The following PCDHGA11 variants were observed in gnomAD, a reference collection of about 807,000 sequenced individuals.
PCDHGA11 encodes protocadherin gamma-A11.
A neutral mutation model predicts 60.4 loss-of-function variants in PCDHGA11; 39 were observed. That is an observed-to-expected ratio of 0.65 (90% CI 0.50 to 0.84). The LOEUF is 0.84. Ranked by LOEUF, PCDHGA11 falls within the 40% of genes least tolerant of loss-of-function variation. The pLI is 0.00. For missense variants in PCDHGA11, 1,165 were observed against 1,197.7 expected (o/e 0.97, Z 0.40); for synonymous variants, 533 against 510.3 (o/e 1.04, Z -0.60).
chr5:141,434,044 A>T (rs2097670450), intron 1 of PCDHGA11, among the ~76,000 whole-genome samples: 2 of 152,132 alleles, frequency 1.3e-5, no homozygotes, highest in South Asian at 4.1e-4. Flanking sequence ...TTTCTATTTT[A>T]TTCAATGGCC....
rs1387624358 is a variant in PCDHGA11 at position 141,421,888 on chromosome 5, C to T, written c.661C>T (p.Pro221Ser). 3.1e-6 allele frequency: 5 copies of T among 1,613,746 alleles called. No homozygotes were observed. The change falls in exon 1 of 4, where the codon CCC (proline) becomes TCC (serine). Residue 221 changes from proline (P) to serine (S), a missense_variant. Transcript: ENST00000398587. Reference sequence around the variant, plus strand: ...CCTCACAGCTTTAGATGGAGGCGATCCCATCCGAAAGGGCGCAGTTCCCAT... The same window carrying T: ...CCTCACAGCTTTAGATGGAGGCGATTCCATCCGAAAGGGCGCAGTTCCCAT... ...LLLTALDGGD[P>S]IRKGAVPIRV...
Position 141,489,902 on chromosome 5 carries a change from C to T in PCDHGA11, c.2434-4905C>T. The T allele has an allele frequency of 6.2e-7, 1 of 1,614,218 alleles. No individual in the cohort carries two copies. The highest frequency in any genetic ancestry group is 8.5e-7 in the Non-Finnish European group (1 of 1,180,032). On this transcript the variant is annotated intron_variant, in intron 1 of 3. Transcript: ENST00000398587. This position sits in a 1 kb window ranked among gnomAD's most constrained non-coding sequence, Gnocchi z 4.5. Reference sequence around the variant, plus strand: ...ACTGCTGTGGATGGGGGGACCCCAGCCCGCTCAGGGACCACCCTTATCTCT... The same window carrying T: ...ACTGCTGTGGATGGGGGGACCCCAGTCCGCTCAGGGACCACCCTTATCTCT...
Position 141,423,387 on chromosome 5 carries a change from G to T in PCDHGA11, c.2160G>T (p.Trp720Cys), listed in dbSNP as rs373190092. The T allele has an allele frequency of 6.2e-7, 1 of 1,614,162 alleles. No homozygotes were observed. The highest frequency in any genetic ancestry group is 8.5e-7 in the Non-Finnish European group (1 of 1,180,010). ...TGCTGGCACTCAGGCTGTGGCGCTG[G>T]CATAAGTCACGCCTGCTGCAGGCTT... The part of the protein sequence containing the change: ...IVLLALRLWR[W>C]HKSRLLQASE... The change falls in exon 1 of 4, where the codon TGG (tryptophan) becomes TGT (cysteine). Residue 720 changes from tryptophan (W) to cysteine (C), a missense_variant. Trp to Cys is a radical substitution (Grantham distance 215). Coordinates refer to ENST00000398587, the MANE Select transcript of PCDHGA11 (RefSeq NM_018914.3).
chr5:141,421,979 G>C lies in PCDHGA11; in HGVS notation c.752G>C (p.Ser251Thr). 1 of 1,609,702 alleles carries C rather than the reference G, an allele frequency of 6.2e-7. No homozygotes were observed. Among genetic ancestry groups the C allele is most frequent in the Non-Finnish European group, 8.5e-7 (1 of 1,177,970 alleles). Residue 251 changes from serine (S) to threonine (T), a missense_variant, in exon 1 of 4, where the codon AGT becomes ACT. Ser to Thr is a moderately conservative substitution (Grantham distance 58, BLOSUM62 1). Transcript: ENST00000398587. ...PMFTQSVYRV[S>T]VPENISSGTR... ...TTTACACAGTCCGTATATCGCGTGA[G>C]TGTTCCAGAAAACATCAGCTCCGGA...
In PCDHGA11 at chr5:141,421,833, C is replaced by T. The variant is rs1364245594; in HGVS notation, c.606C>T (p.Asp202=). 6 of 1,613,756 alleles carry T rather than the reference C, an allele frequency of 3.7e-6. No individual in the cohort carries two copies. Among genetic ancestry groups the T allele is most frequent in the Non-Finnish European group, 4.2e-6 (5 of 1,179,890 alleles). The change falls in exon 1 of 4, where the codon GAC becomes GAT. Residue 202 remains aspartate (D), a synonymous_variant. Transcript: ENST00000398587. ...NPELVLEGSL[D]REKEAAHLLL... ...AGCTAGTACTGGAGGGAAGCCTGGA[C>T]CGAGAGAAAGAGGCTGCTCACCTGC...
intron 1 of PCDHGA11, chr5:141,478,491 G>A: frequency 6.2e-7 from 1 of 1,613,152 alleles, no homozygotes; most frequent in Non-Finnish European, 8.5e-7. Flanking sequence ...CTGCGGAGCT[G>A]TGATCCGGTG....
In PCDHGA11 at chr5:141,486,709, C is replaced by G. The variant is rs1485764871; in HGVS notation, c.2434-8098C>G. ...CTTCCTCTTTCATCTCTCTGAACCC[C>G]CAGACAGGAGCTGTTCATGCTACTC... On this transcript the variant is annotated intron_variant, in intron 1 of 3. Coordinates refer to ENST00000398587, the MANE Select transcript of PCDHGA11 (RefSeq NM_018914.3). The surrounding 1 kb of genome is among the most constrained non-coding windows in gnomAD (Gnocchi z 5.0). 1 of 1,614,182 alleles carries G rather than the reference C, an allele frequency of 6.2e-7. No individual in the cohort carries two copies. Among genetic ancestry groups the G allele is most frequent in the Middle Eastern group, 1.6e-4 (1 of 6,062 alleles).
At chr5:141,460,981 GTGTATA>G (rs1450537646) in intron 1 of PCDHGA11, among the ~76,000 whole-genome samples, 10 of 121,882 alleles carry the variant, frequency 8.2e-5, no homozygotes, top group African/African-American at 3.1e-4. Flanking sequence ...GTGTGTGTGT[GTGTATA>G]TATATATATG....
intron 1 of PCDHGA11, chr5:141,484,858 T>A: frequency 4.1e-6 from 1 of 245,806 alleles, no homozygotes; most frequent in Non-Finnish European, 7.8e-6. Context: ...TTTTGGGGGG[T>A]GGGGGAGCGT....
At chr5:141,453,780 C>T (rs1330142662) in intron 1 of PCDHGA11, among the ~76,000 whole-genome samples, 3 of 152,090 alleles carry the variant, frequency 2.0e-5, no homozygotes, top group African/African-American at 4.8e-5. Flanking sequence ...TTTTAGTTAC[C>T]ATGGTATATT....
chr5:141,454,948 C>T (rs2098807728), intron 1 of PCDHGA11, among the ~76,000 whole-genome samples: 1 of 151,548 alleles, frequency 6.6e-6, no homozygotes, highest in Non-Finnish European at 1.5e-5. Flanking sequence ...GCTGGGACTA[C>T]AGGCGCCGGC....
At position 141,421,254 on chromosome 5, in the gene PCDHGA11, C is replaced by T; in HGVS notation, c.27C>T (p.Asp9=). Residue 9 remains aspartate, a synonymous_variant, in exon 1 of 4, where the codon GAC becomes GAT. Transcript: ENST00000398587. ...TGGCGAATCGGCTACAGCGCGGGGA[C>T]CGCAGTCGGCTGCTGCTGCTGCTGT... MANRLQRG[D]RSRLLLLLCI... The T allele has an allele frequency of 6.2e-7, 1 of 1,607,460 alleles. No homozygotes were observed. Among genetic ancestry groups the T allele is most frequent in the East Asian group, 2.2e-5 (1 of 44,822 alleles).
rs781229038 is a variant in PCDHGA11, at chr5:141,489,990, A to C, written c.2434-4817A>C. 1.2e-4 allele frequency: 194 copies of C among 1,614,138 alleles called. No individual in the cohort carries two copies. Among genetic ancestry groups the C allele is most frequent in the Non-Finnish European group, 1.6e-4 (188 of 1,180,038 alleles). Reference sequence around the variant, plus strand: ...TCCAATCCTCAGTTCTACGTGTGGGAATCCCAGAGAATGCACCCATTGGTA... The same window carrying C: ...TCCAATCCTCAGTTCTACGTGTGGGCATCCCAGAGAATGCACCCATTGGTA... On this transcript the variant is annotated intron_variant, in intron 1 of 3. Transcript: ENST00000398587. The surrounding 1 kb of genome is among the most constrained non-coding windows in gnomAD (Gnocchi z 4.5).
chr5:141,489,793 C>G lies in PCDHGA11; in HGVS notation c.2434-5014C>G. On this transcript the variant is annotated intron_variant, in intron 1 of 3. Transcript: ENST00000398587. This position sits in a 1 kb window ranked among gnomAD's most constrained non-coding sequence, Gnocchi z 4.5. ...CCACTTCTCTCTGAATGTGAAGACC[C>G]TAAAAGATGGGAAGCCATTCCCAGA... 1 of 1,614,160 alleles carries G rather than the reference C, an allele frequency of 6.2e-7. No individual in the cohort carries two copies. The highest frequency in any genetic ancestry group is 1.1e-5 in the South Asian group (1 of 91,078).
chr5:141,432,335 C>T lies in PCDHGA11; in HGVS notation c.2433+8675C>T, dbSNP rs146691720. On this transcript the variant is annotated intron_variant, in intron 1 of 3. Coordinates refer to ENST00000398587, the MANE Select transcript of PCDHGA11 (RefSeq NM_018914.3). This position sits in a 1 kb window ranked among gnomAD's most constrained non-coding sequence, Gnocchi z 6.0. ...GAGCTCCTTCGACTACGAGCAGTTC[C>T]GAGACTTGCAAGTGAAAGTGATGGC... 2.6e-5 allele frequency: 42 copies of T among 1,614,126 alleles called. No individual in the cohort carries two copies. Among genetic ancestry groups the T allele is most frequent in the African/African-American group, 1.2e-4 (9 of 74,940 alleles).
chr5:141,499,689 CTTTTTTTTT>C (rs545067566), intron 2 of PCDHGA11, among the ~76,000 whole-genome samples: 2 of 119,856 alleles, frequency 1.7e-5, no homozygotes, highest in African/African-American at 6.2e-5. Flanking sequence ...TAACAGATGA[CTTTTTTTTT>C]TTTTTTTTTT....
At chr5:141,442,466 A>T (rs1270035223) in intron 1 of PCDHGA11, 1 of 152,254 alleles carries the variant, frequency 6.6e-6, no homozygotes, top group African/African-American at 2.4e-5. Flanking sequence ...TTCACTGCAG[A>T]AAGCCCCTTG....
chr5:141,430,615 A>G, intron 1 of PCDHGA11: 1 of 686,990 alleles, frequency 1.5e-6, no homozygotes, highest in Non-Finnish European at 2.2e-6. Context: ...CAAAGCAGAT[A>G]GCTAGGAATG....
At chr5:141,443,751 A>C (rs1372334547) in intron 1 of PCDHGA11, among the ~76,000 whole-genome samples, 3 of 152,230 alleles carry the variant, frequency 2.0e-5, no homozygotes, top group African/African-American at 7.2e-5. Context: ...GTGAATTGGA[A>C]GCTTACAATA....
Sources: allele counts gnomAD v4.1 joint callset (sites outside exome capture counted in the v4.1 genomes callset), GRCh38; gene constraint gnomAD v4.1.1; non-coding constraint Gnocchi (gnomAD v3.1); transcripts MANE v1.5; gene names NCBI Gene and HGNC (gene_info 2026-07-23, HGNC 2026-07-21).